PARD3: variants seen among roughly 807,000 people sequenced by gnomAD.
PARD3 encodes the protein par-3 family cell polarity regulator.
Under a neutral mutation model 155.4 loss-of-function variants are expected in PARD3, and 75 were observed. The ratio of observed to expected loss-of-function variants is 0.48; its 90% CI spans 0.40 to 0.58. The LOEUF (loss-of-function observed/expected upper bound fraction) is 0.58. Ranked by LOEUF, PARD3 falls within the 20% of genes least tolerant of loss-of-function variation. The pLI, the probability that PARD3 is intolerant of heterozygous loss-of-function variation, is 0.00. For synonymous variants in PARD3, 576 were observed against 610.5 expected (o/e 0.94, Z 0.83); for missense variants, 1,642 against 1,721.7 (o/e 0.95, Z 0.82).
intron 22 of PARD3, among the ~76,000 whole-genome samples, chr10:34,212,888 G>C (rs1220407129): frequency 6.6e-6 from 1 of 152,178 alleles, no homozygotes; most frequent in South Asian, 2.1e-4. Context: ...CTCAGGCTCA[G>C]AGGCATCATC....
chr10:34,611,774 T>C (rs1296249618), intron 2 of PARD3, among the ~76,000 whole-genome samples: 1 of 151,190 alleles, frequency 6.6e-6, no homozygotes, highest in East Asian at 1.9e-4. Flanking sequence ...TCCACGTACA[T>C]GAAGATGGGA....
rs565109500 is a variant in PARD3 at position 34,419,517 on chromosome 10, A to G, written c.715-17600T>C. ...AGGTGACAGAGCAAGACTCCGTCTC[A>G]AAAAAAAAGAAAAGAAAAGAAGTAA... On this transcript the variant is annotated intron_variant, in intron 5 of 24. Transcript: ENST00000374788. Among the ~76,000 whole-genome samples, 3 of 151,760 alleles carry G rather than the reference A, an allele frequency of 2.0e-5. No individual in the cohort carries two copies. The South Asian group carries it at 6.3e-4, about 32-fold the overall frequency.
intron 16 of PARD3, among the ~76,000 whole-genome samples, chr10:34,339,588 T>C (rs1182207179): frequency 2.6e-5 from 4 of 152,224 alleles, no homozygotes; most frequent in Admixed American, 6.5e-5. Flanking sequence ...TTTGCTGTTA[T>C]TTCCTTTCCC....
chr10:34,478,174 A>G (rs973172565), intron 3 of PARD3, among the ~76,000 whole-genome samples: 3 of 152,216 alleles, frequency 2.0e-5, no homozygotes, highest in Non-Finnish European at 4.4e-5. Context: ...TTTTCTATAT[A>G]AGCAATAAAT....
At position 34,178,664 on chromosome 10, in the gene PARD3, T is replaced by C. The variant is rs145183229; in HGVS notation, c.3420-47081A>G. Among the ~76,000 whole-genome samples, 94 of 152,208 alleles carry C rather than the reference T, an allele frequency of 6.2e-4. 1 individual carries two copies. The highest frequency in any genetic ancestry group is 2.2e-3 in the African/African-American group (91 of 41,524). ...ACTCATCACAGAGATGCTAAACCTTTAGGCACAGGGTTTGGGACCTACAAA... is the reference window on the plus strand; with the variant it reads ...ACTCATCACAGAGATGCTAAACCTTCAGGCACAGGGTTTGGGACCTACAAA... On this transcript the variant is annotated intron_variant, in intron 22 of 24. Transcript: ENST00000374788.
intron 2 of PARD3, among the ~76,000 whole-genome samples, chr10:34,640,436 G>A (rs76565584): frequency 1.9e-4 from 29 of 152,202 alleles, no homozygotes; most frequent in African/African-American, 6.3e-4. Context: ...GTCTAACATG[G>A]TGAAACCCTG....
intron 1 of PARD3, among the ~76,000 whole-genome samples, chr10:34,718,595 G>A: frequency 6.6e-6 from 1 of 151,950 alleles, no homozygotes. Flanking sequence ...GGAGACCAAG[G>A]ATGCAGTGAG....
At chr10:34,301,030 C>T (rs909699689) in intron 20 of PARD3, among the ~76,000 whole-genome samples, 2 of 151,254 alleles carry the variant, frequency 1.3e-5, no homozygotes, top group African/African-American at 4.8e-5. Context: ...CACTTAATGT[C>T]ACCTAAAAGG....
intron 1 of PARD3, among the ~76,000 whole-genome samples, chr10:34,756,475 T>TTA (rs1564585626): frequency 4.8e-5 from 4 of 83,752 alleles, no homozygotes; most frequent in African/African-American, 9.0e-5. Context: ...TTTTTTTTCT[T>TTA]ATAAAAAAAA....
At chr10:34,290,620 C>T (rs575836999) in intron 20 of PARD3, among the ~76,000 whole-genome samples, 1 of 152,212 alleles carries the variant, frequency 6.6e-6, no homozygotes, top group African/African-American at 2.4e-5. Context: ...GTTCAGTATT[C>T]TGCCTTGTGT....
At chr10:34,297,412 T>C (rs1188133903) in intron 20 of PARD3, among the ~76,000 whole-genome samples, 4 of 152,192 alleles carry the variant, frequency 2.6e-5, no homozygotes, top group South Asian at 2.1e-4. Context: ...AACTACTGTA[T>C]AAAAAATAGT....
chr10:34,189,523 G>GA (rs1476096185), intron 22 of PARD3, among the ~76,000 whole-genome samples: 3 of 152,176 alleles, frequency 2.0e-5, no homozygotes, highest in African/African-American at 7.2e-5. Context: ...GCACTTGAAG[G>GA]AAAATCAATG....
intron 21 of PARD3, among the ~76,000 whole-genome samples, chr10:34,282,089 C>T (rs551034896): frequency 9.5e-5 from 12 of 126,410 alleles, no homozygotes; most frequent in Admixed American, 8.3e-4. Flanking sequence ...AGAATGCTTG[C>T]CCTATTAAAA....
intron 22 of PARD3, among the ~76,000 whole-genome samples, chr10:34,170,297 G>C (rs1949726223): frequency 6.6e-6 from 1 of 152,128 alleles, no homozygotes; most frequent in South Asian, 2.1e-4. Context: ...ATGCTGCCCA[G>C]GCTGGTCTAG....
At chr10:34,503,143 G>A (rs1203841073) in intron 3 of PARD3, among the ~76,000 whole-genome samples, 1 of 152,060 alleles carries the variant, frequency 6.6e-6, no homozygotes, top group Non-Finnish European at 1.5e-5. Flanking sequence ...CTTGTTCTAA[G>A]CCACAAATCA....
Position 34,313,424 on chromosome 10 carries a change from T to C in PARD3, c.3065+3683A>G, listed in dbSNP as rs183676525. On this transcript the variant is annotated intron_variant, in intron 20 of 24. Transcript: ENST00000374788. The stretch of plus-strand genomic sequence containing the variant: ...TTTGCATTTGTTATTTGATTCCTTA[T>C]AGATTTAAATTTCTGATTTAAGACT... Among the ~76,000 whole-genome samples the C allele has an allele frequency of 1.1e-3, 169 of 152,326 alleles. 1 individual carries two copies. Among genetic ancestry groups the C allele is most frequent in the African/African-American group, 3.9e-3 (161 of 41,580 alleles).
chr10:34,505,114 T>C (rs2080976273), intron 3 of PARD3, among the ~76,000 whole-genome samples: 1 of 152,228 alleles, frequency 6.6e-6, no homozygotes, highest in Non-Finnish European at 1.5e-5. Context: ...CAGGCAATTA[T>C]TTTCTCCATG....
chr10:34,344,880 G>A (rs1837238619), intron 15 of PARD3: 2 of 985,236 alleles, frequency 2.0e-6, no homozygotes, highest in Non-Finnish European at 2.4e-6. Flanking sequence ...TACAGAAAGT[G>A]TGCAACTTCT....
chr10:34,429,589 GTTTTGTTTT>G (rs1454933002), intron 5 of PARD3, among the ~76,000 whole-genome samples: 1 of 150,018 alleles, frequency 6.7e-6, no homozygotes, highest in Non-Finnish European at 1.5e-5. Context: ...GTTTTGTTTT[GTTTTGTTTT>G]GTTTTAAAAC....
Sources: allele counts gnomAD v4.1 joint callset (sites outside exome capture counted in the v4.1 genomes callset), GRCh38; gene constraint gnomAD v4.1.1; transcripts MANE v1.5; gene names NCBI Gene and HGNC (gene_info 2026-07-23, HGNC 2026-07-21).